GULP1: variants seen among roughly 807,000 people sequenced by gnomAD.
GULP1 encodes GULP PTB domain containing engulfment adaptor 1.
A neutral mutation model predicts 40.9 loss-of-function variants in GULP1; 19 were observed. That is an observed-to-expected ratio of 0.46 (90% confidence interval 0.32 to 0.68). GULP1 has a LOEUF of 0.68. GULP1 is among the 30% of genes least tolerant of loss of function. The pLI is 0.03. For missense variants in GULP1, 312 were observed against 362.2 expected, an observed-to-expected ratio of 0.86 and a Z score of 1.12; for synonymous variants, 119 against 117.6, an observed-to-expected ratio of 1.01 and a Z score of -0.08.
At chr2:188,295,435 A>G (rs750271989) in intron 1 of GULP1, among the ~76,000 whole-genome samples, 2 of 152,158 alleles carry the variant, frequency 1.3e-5, no homozygotes, top group Non-Finnish European at 2.9e-5. Context: ...CATTTTTCCA[A>G]CATATCATTT....
chr2:188,568,218 AATT>A (rs1698239845), intron 7 of GULP1, among the ~76,000 whole-genome samples: 1 of 152,166 alleles, frequency 6.6e-6, no homozygotes, highest in Non-Finnish European at 1.5e-5. Flanking sequence ...GTAGATAATA[AATT>A]ATTAGAATTT....
chr2:188,329,643 G>A (rs970111251), intron 1 of GULP1, among the ~76,000 whole-genome samples: 2 of 152,090 alleles, frequency 1.3e-5, no homozygotes, highest in African/African-American at 4.8e-5. Flanking sequence ...GAAATTAGCG[G>A]AGGTGATGAT....
intron 7 of GULP1, among the ~76,000 whole-genome samples, chr2:188,548,820 G>A (rs540122853): frequency 1.7e-5 from 2 of 120,552 alleles, no homozygotes; most frequent in African/African-American, 6.2e-5. Context: ...TGCAATAGGG[G>A]AAAGAAGGTT....
chr2:188,580,482 G>A (rs1382036714), intron 9 of GULP1, among the ~76,000 whole-genome samples: 1 of 150,266 alleles, frequency 6.7e-6, no homozygotes, highest in African/African-American at 2.4e-5. Flanking sequence ...GAACCCGGGA[G>A]GCGGAGCTTG....
intron 1 of GULP1, among the ~76,000 whole-genome samples, chr2:188,366,588 CTTTTTTT>C (rs34745549): frequency 1.2e-5 from 1 of 84,064 alleles, no homozygotes; most frequent in Non-Finnish European, 2.2e-5. Flanking sequence ...CAGTTACTTT[CTTTTTTT>C]TTTTTTTTTT....
At chr2:188,515,045 C>G (rs909728163) in intron 4 of GULP1, among the ~76,000 whole-genome samples, 5 of 152,146 alleles carry the variant, frequency 3.3e-5, no homozygotes, top group African/African-American at 1.2e-4. Context: ...CATTAGTATT[C>G]ATTTCTCTGA....
rs56104834 is a variant in GULP1, at chr2:188,369,391, GA to G, written c.-171-14361del. On this transcript the variant is annotated intron_variant, in intron 1 of 11. Transcript: ENST00000409830. ...TTATGATAGATTCTTTTGATTGCAAGAAAAAAAAAAACTCACTCACCTCAGA... is the reference window on the plus strand; with the variant it reads ...TTATGATAGATTCTTTTGATTGCAAGAAAAAAAAAACTCACTCACCTCAGA... Among the ~76,000 whole-genome samples, 947 of 147,608 alleles carry G rather than the reference GA, an allele frequency of 6.4e-3. 7 individuals are homozygous for G. Among genetic ancestry groups the G allele is most frequent in the Middle Eastern group, 0.011 (3 of 284 alleles).
At chr2:188,365,393 A>C (rs1462065959) in intron 1 of GULP1, among the ~76,000 whole-genome samples, 1 of 152,228 alleles carries the variant, frequency 6.6e-6, no homozygotes, top group Non-Finnish European at 1.5e-5. Flanking sequence ...CACAGAGCTT[A>C]CTGGAACAGT....
chr2:188,554,121 A>T (rs977162528), intron 7 of GULP1, among the ~76,000 whole-genome samples: 1 of 151,352 alleles, frequency 6.6e-6, no homozygotes, highest in Non-Finnish European at 1.5e-5. Context: ...GATCTTGTGT[A>T]TTTTTTTAGT....
At chr2:188,304,535 G>A (rs775084952) in intron 1 of GULP1, among the ~76,000 whole-genome samples, 15 of 152,198 alleles carry the variant, frequency 9.9e-5, no homozygotes, top group Non-Finnish European at 1.6e-4. Context: ...GAAGTAATGC[G>A]TCTCAACCAC....
intron 1 of GULP1, among the ~76,000 whole-genome samples, chr2:188,299,225 G>A (rs771191483): frequency 3.3e-5 from 5 of 151,674 alleles, no homozygotes; most frequent in Non-Finnish European, 7.4e-5. Context: ...AGGTGACTAA[G>A]GAGGGAGCAG....
At chr2:188,406,781 C>G (rs953775317) in intron 2 of GULP1, among the ~76,000 whole-genome samples, 2 of 151,490 alleles carry the variant, frequency 1.3e-5, no homozygotes, top group Non-Finnish European at 2.9e-5. Flanking sequence ...AAGAAAAATA[C>G]AAAGGGGAAG....
intron 10 of GULP1, among the ~76,000 whole-genome samples, chr2:188,587,135 C>T (rs1702555311): frequency 6.6e-6 from 1 of 151,960 alleles, no homozygotes; most frequent in African/African-American, 2.4e-5. Context: ...CCATAATAGG[C>T]CGTAATCTAT....
chr2:188,374,653 C>T (rs2048061350), intron 1 of GULP1, among the ~76,000 whole-genome samples: 1 of 151,844 alleles, frequency 6.6e-6, no homozygotes, highest in Non-Finnish European at 1.5e-5. Context: ...TCCACATTCC[C>T]ACTCATAAGT....
At chr2:188,312,646 C>T (rs543463927) in intron 1 of GULP1, among the ~76,000 whole-genome samples, 1 of 152,168 alleles carries the variant, frequency 6.6e-6, no homozygotes, top group East Asian at 1.9e-4. Flanking sequence ...ATTTATAATC[C>T]TTTGAGTAAA....
At chr2:188,413,223 GGGTCAAAT>G (rs557896026) in intron 2 of GULP1, among the ~76,000 whole-genome samples, 2 of 152,280 alleles carry the variant, frequency 1.3e-5, no homozygotes, top group South Asian at 4.1e-4. Context: ...TGGGATCACT[GGGTCAAAT>G]GGTGTTTCTA....
chr2:188,341,055 C>T (rs1348588558), intron 1 of GULP1, among the ~76,000 whole-genome samples: 1 of 152,034 alleles, frequency 6.6e-6, no homozygotes. Flanking sequence ...GAAAAGGCAG[C>T]TTTTGAATGG....
At chr2:188,398,188 A>G (rs1189711833) in intron 2 of GULP1, among the ~76,000 whole-genome samples, 2 of 152,202 alleles carry the variant, frequency 1.3e-5, no homozygotes, top group Non-Finnish European at 2.9e-5. Flanking sequence ...AAAAGAAGCA[A>G]GGAACAAAAT....
At chr2:188,333,104 G>A (rs2041834573) in intron 1 of GULP1, among the ~76,000 whole-genome samples, 1 of 152,004 alleles carries the variant, frequency 6.6e-6, no homozygotes, top group Non-Finnish European at 1.5e-5. Context: ...CATTAGCGGG[G>A]CATGGTGGTG....
Sources: gnomAD v4.1 joint callset for allele counts (sites outside exome capture counted in the v4.1 genomes callset) on GRCh38, gnomAD v4.1.1 for gene constraint, MANE v1.5 for transcripts, NCBI Gene and HGNC (gene_info 2026-07-23, HGNC 2026-07-21) for gene names.